The following MYCBP2 variants were observed in gnomAD, a reference collection of about 807,000 sequenced individuals.
MYCBP2 encodes MYC binding protein 2.
In MYCBP2, 120 loss-of-function variants were observed where a neutral mutation model predicts 525.3. The observed-to-expected ratio is 0.23, with a 90% CI of 0.20 to 0.27. The LOEUF (loss-of-function observed/expected upper bound fraction) is 0.27, where lower values mean the gene tolerates loss of function less well. Among genes scored for constraint, MYCBP2 ranks in the 10% least tolerant of loss-of-function variants. MYCBP2 has a pLI of 1.00. For synonymous variants in MYCBP2, 1,894 were observed against 1,955.8 expected, an observed-to-expected ratio of 0.97 and a Z score of 0.83; for missense variants, 4,149 against 5,657.1, an observed-to-expected ratio of 0.73 and a Z score of 8.55.
rs2061304980 is a variant in MYCBP2 at position 77,191,588 on chromosome 13, T to G, written c.4070+91A>C. ...TTATGCTCTAGTCTTCCTAAGCTTT[T>G]GAATCCTGCTGAAAGTACTCTGAAT... is the stretch of plus-strand genomic sequence containing the variant. On this transcript the variant is annotated intron_variant, in intron 28 of 82. Transcript: ENST00000544440. 3.5e-6 allele frequency: 5 copies of G among 1,447,592 alleles called. No individual in the cohort carries two copies. In the Admixed American group the frequency reaches 1.1e-4, roughly 31 times the overall value. 89.7% of individuals were successfully genotyped at this position (1,447,592 alleles called of 1,614,324 possible). A position where few individuals can be genotyped will look rare whatever the true frequency, so the allele number is the denominator to read the frequency against.
intron 55 of MYCBP2, among the ~76,000 whole-genome samples, chr13:77,115,873 G>A (rs1170363123): frequency 6.6e-6 from 1 of 151,100 alleles, no homozygotes; most frequent in Non-Finnish European, 1.5e-5. Context: ...ACTATAAAAA[G>A]AAAAATAATC....
chr13:77,152,031 T>G (rs1288624464), intron 46 of MYCBP2, among the ~76,000 whole-genome samples: 1 of 152,118 alleles, frequency 6.6e-6, no homozygotes, highest in African/African-American at 2.4e-5. Flanking sequence ...GTCACAGAAA[T>G]AGAAAAAGTG....
intron 37 of MYCBP2, among the ~76,000 whole-genome samples, chr13:77,173,924 A>C (rs926511160): frequency 6.6e-6 from 1 of 152,242 alleles, no homozygotes; most frequent in African/African-American, 2.4e-5. Flanking sequence ...ACTAGATAAC[A>C]AGATCAAGGC....
chr13:77,257,590 A>T, intron 14 of MYCBP2, 81 bp downstream of exon 14: 1 of 1,357,770 alleles, frequency 7.4e-7, no homozygotes, highest in South Asian at 1.8e-5. Context: ...TTTTGAAAAG[A>T]ACAAGACTTT....
rs2059862917 is a variant in MYCBP2, at chr13:77,177,961, A to G, written c.5134-7T>C. ...GAGAATTAAGTCCATCAACCTGTGA[A>G]CAATAAAAGCAATTGTATCAGTAGT... On this transcript the variant is annotated splice_region_variant and splice_polypyrimidine_tract_variant and intron_variant, in intron 34 of 82. Coordinates refer to ENST00000544440, the MANE Select transcript of MYCBP2 (RefSeq NM_015057.5). 3.2e-6 allele frequency: 5 copies of G among 1,560,164 alleles called. No individual in the cohort carries two copies. Among genetic ancestry groups the G allele is most frequent in the Non-Finnish European group, 4.4e-6 (5 of 1,130,830 alleles).
chr13:77,278,878 A>C lies in MYCBP2; in HGVS notation c.628T>G (p.Leu210Val). Residue 210 changes from leucine to valine, a missense_variant, in exon 4 of 83, where the codon TTG (leucine) becomes GTG (valine). This residue lies in a region of MYCBP2 where 413 missense variants were observed against 451.2 expected (regional missense o/e 0.92). Transcript: ENST00000544440. ...TGAGAAAATCGTGTCTCTTTGATCA[A>C]TTCAAAAACTTCACAAAGGCCAACC... The part of the protein sequence containing the change: ...IEVGLCEVFE[L>V]IKETRFSHPS... 6.3e-7 allele frequency: 1 copy of C among 1,594,830 alleles called. No individual in the cohort carries two copies. The highest frequency in any genetic ancestry group is 8.5e-7 in the Non-Finnish European group (1 of 1,171,500).
chr13:77,250,735 A>G (rs960063991), intron 15 of MYCBP2, among the ~76,000 whole-genome samples: 1 of 152,238 alleles, frequency 6.6e-6, no homozygotes, highest in African/African-American at 2.4e-5. Flanking sequence ...ATTTAATTTA[A>G]AACAAAACTA....
At position 77,172,915 on chromosome 13, in the gene MYCBP2, G is replaced by A. The variant is rs189818764; in HGVS notation, c.5652-1281C>T. ...GAGGTGTGACTCTAGACAATTCAGCGTCTCAGTTCCATCATCTGTGAAACA... is the reference window on the plus strand; with the variant it reads ...GAGGTGTGACTCTAGACAATTCAGCATCTCAGTTCCATCATCTGTGAAACA... On this transcript the variant is annotated intron_variant, in intron 37 of 82. Transcript: ENST00000544440. Among the ~76,000 whole-genome samples the A allele has an allele frequency of 1.2e-4, 19 of 152,304 alleles. No individual in the cohort carries two copies. In the East Asian group the frequency reaches 1.4e-3, roughly 11 times the overall value.
chr13:77,068,496 T>C, intron 70 of MYCBP2, 69 bp downstream of exon 70: 1 of 1,553,114 alleles, frequency 6.4e-7, no homozygotes, highest in Non-Finnish European at 8.7e-7. Flanking sequence ...ATAATTCTCT[T>C]TGCATTGCAA....
chr13:77,165,220 G>A, intron 42 of MYCBP2, 53 bp downstream of exon 42: 1 of 1,441,498 alleles, frequency 6.9e-7, no homozygotes, highest in Admixed American at 1.8e-5. Flanking sequence ...CAACTCACTA[G>A]CCCTTAGAAA....
At chr13:77,260,370 C>T (rs2073057084) in intron 13 of MYCBP2, 58 bp downstream of exon 13, 2 of 1,202,876 alleles carry the variant, frequency 1.7e-6, no homozygotes, top group African/African-American at 1.6e-5. Flanking sequence ...ATGTCTTTGT[C>T]ATACATAACT....
At chr13:77,126,037 G>T (rs555667591) in intron 53 of MYCBP2, among the ~76,000 whole-genome samples, 2 of 152,216 alleles carry the variant, frequency 1.3e-5, no homozygotes, top group African/African-American at 2.4e-5. Flanking sequence ...GATAATCCAT[G>T]ATGGTATAGT....
intron 52 of MYCBP2, among the ~76,000 whole-genome samples, chr13:77,136,819 T>C (rs1425524131): frequency 6.6e-6 from 1 of 152,174 alleles, no homozygotes; most frequent in Non-Finnish European, 1.5e-5. Context: ...ACTACTGCCA[T>C]GCATATTCCC....
intron 3 of MYCBP2, among the ~76,000 whole-genome samples, chr13:77,287,580 G>C (rs750212048): frequency 1.9e-4 from 29 of 152,036 alleles, no homozygotes; most frequent in Non-Finnish European, 2.8e-4. Flanking sequence ...AGTTCAGTTG[G>C]TTCATAGGTG....
At chr13:77,268,417 C>G (rs142753608) in intron 7 of MYCBP2, among the ~76,000 whole-genome samples, 84 of 152,276 alleles carry the variant, frequency 5.5e-4, no homozygotes, top group African/African-American at 1.9e-3. Context: ...AAATAAAAAT[C>G]TGATGAGATA....
intron 74 of MYCBP2, among the ~76,000 whole-genome samples, chr13:77,062,155 T>A (rs867583471): frequency 6.6e-6 from 1 of 152,216 alleles, no homozygotes; most frequent in South Asian, 2.1e-4. Flanking sequence ...AGGGCCTATA[T>A]AAAGTTTTCC....
chr13:77,194,876 T>TAG (rs2061604279), intron 26 of MYCBP2, among the ~76,000 whole-genome samples: 1 of 151,624 alleles, frequency 6.6e-6, no homozygotes, highest in African/African-American at 2.4e-5. Context: ...GAGAAAAAGA[T>TAG]AGATGAAAAG....
At chr13:77,205,013 C>G (rs1239650833) in intron 26 of MYCBP2, among the ~76,000 whole-genome samples, 1 of 151,506 alleles carries the variant, frequency 6.6e-6, no homozygotes, top group East Asian at 1.9e-4. Flanking sequence ...CTAACCTGCA[C>G]ATTGTGCACA....
At chr13:77,080,814 T>C (rs771003837) in intron 65 of MYCBP2, 7 of 152,138 alleles carry the variant, frequency 4.6e-5, no homozygotes, top group Non-Finnish European at 1.0e-4. Context: ...TGGTGGCGTG[T>C]GCTTGTAATC....
Sources: allele counts gnomAD v4.1 joint callset (sites outside exome capture counted in the v4.1 genomes callset), GRCh38; gene constraint gnomAD v4.1.1; regional missense constraint gnomAD v4.1.1; transcripts MANE v1.5; gene names NCBI Gene and HGNC (gene_info 2026-07-23, HGNC 2026-07-21).